The following LPCAT2 variants were observed in gnomAD, a reference collection of about 807,000 sequenced individuals.
LPCAT2 encodes the protein 1-AGP acyltransferase 11.
In LPCAT2, 58 loss-of-function variants were observed where a neutral mutation model predicts 64.7. The ratio of observed to expected loss-of-function variants is 0.90; its 90% CI spans 0.73 to 1.12. LPCAT2 has a LOEUF of 1.12. Ranked by LOEUF, LPCAT2 falls within the 50% of genes most tolerant of loss-of-function variation. The pLI is 0.00. For missense variants in LPCAT2, 579 were observed against 669.8 expected, an observed-to-expected ratio of 0.86 and a Z score of 1.50; for synonymous variants, 252 against 245.3, an observed-to-expected ratio of 1.03 and a Z score of -0.26.
intron 12 of LPCAT2, 125 bp from the exon 13 acceptor site, chr16:55,578,984 T>A: frequency 1.2e-6 from 1 of 845,672 alleles, no homozygotes; most frequent in Non-Finnish European, 1.9e-6. Flanking sequence ...TGATACTTTC[T>A]TAATATACAT....
chr16:55,556,672 C>T (rs1332061164), intron 11 of LPCAT2, among the ~76,000 whole-genome samples: 1 of 152,094 alleles, frequency 6.6e-6, no homozygotes, highest in East Asian at 1.9e-4. Flanking sequence ...GGTGTGAACC[C>T]AGGAGGCGGA....
Position 55,584,215 on chromosome 16 carries a change from G to A in LPCAT2, c.*1117G>A, listed in dbSNP as rs1397312411. ...CTTGCCCTATAAATGAATCAGATTT[G>A]TTCTATTTATATAATATTAGAATTA... On this transcript the variant is annotated 3_prime_UTR_variant, in exon 14 of 14. Transcript: ENST00000262134. 3.9e-5 allele frequency: 6 copies of A among 152,084 alleles called. No homozygotes were observed. Among genetic ancestry groups the A allele is most frequent in the African/African-American group, 1.4e-4 (6 of 41,402 alleles). The allele number at this position is 152,084 out of a possible 1,614,324, so 9.4% of individuals were successfully genotyped here.
In LPCAT2 at chr16:55,579,124, G is replaced by A; in HGVS notation, c.1330G>A (p.Glu444Lys). ...QVAFKLFDVD[E>K]DGYITEEEFS... is the part of the protein sequence containing the mutation. ...TTTTCTTCAGCTGTTTGACGTTGATGAGGATGGCTACATAACGGAGGAAGA... is the reference window on the plus strand; with the variant it reads ...TTTTCTTCAGCTGTTTGACGTTGATAAGGATGGCTACATAACGGAGGAAGA... The change falls in exon 13 of 14, where the codon GAG becomes AAG. Residue 444 changes from glutamate (E) to lysine (K), a missense_variant. By Grantham distance (56) the Glu-to-Lys change is moderately conservative. Coordinates refer to ENST00000262134, the MANE Select transcript of LPCAT2 (RefSeq NM_017839.5). 1 of 1,613,006 alleles carries A rather than the reference G, an allele frequency of 6.2e-7. No homozygotes were observed. The highest frequency in any genetic ancestry group is 8.5e-7 in the Non-Finnish European group (1 of 1,179,396).
At chr16:55,535,770 A>C (rs1442967156) in intron 7 of LPCAT2, among the ~76,000 whole-genome samples, 1 of 152,174 alleles carries the variant, frequency 6.6e-6, no homozygotes, top group African/African-American at 2.4e-5. Flanking sequence ...GGGCCTTTAC[A>C]GGTTAAGTTC....
chr16:55,546,387 A>G (rs2142395835), intron 9 of LPCAT2, among the ~76,000 whole-genome samples: 1 of 152,318 alleles, frequency 6.6e-6, no homozygotes, highest in African/African-American at 2.4e-5. Context: ...AATGTATTAT[A>G]CTATACCACC....
At chr16:55,553,600 A>G (rs921516556) in intron 11 of LPCAT2, among the ~76,000 whole-genome samples, 7 of 152,236 alleles carry the variant, frequency 4.6e-5, no homozygotes, top group African/African-American at 1.4e-4. Flanking sequence ...GAGCCCCTCA[A>G]AGTCATCCAT....
At chr16:55,558,469 C>G (rs1375781754) in intron 11 of LPCAT2, among the ~76,000 whole-genome samples, 1 of 152,206 alleles carries the variant, frequency 6.6e-6, no homozygotes, top group East Asian at 1.9e-4. Context: ...ATTTTTTTTG[C>G]AAACTTGCCA....
intron 9 of LPCAT2, among the ~76,000 whole-genome samples, chr16:55,547,854 G>A (rs1358173999): frequency 2.0e-5 from 3 of 151,694 alleles, no homozygotes; most frequent in Admixed American, 6.6e-5. Flanking sequence ...TGCAACCTCC[G>A]CCTCCTGGGT....
chr16:55,582,349 G>T (rs577883316), intron 13 of LPCAT2, among the ~76,000 whole-genome samples: 8 of 152,086 alleles, frequency 5.3e-5, no homozygotes, highest in Non-Finnish European at 1.0e-4. Context: ...CACCCCTAAA[G>T]TATGTACCTT....
At position 55,585,618 on chromosome 16, in the gene LPCAT2, A is replaced by G. The variant is rs1167959970; in HGVS notation, c.*2520A>G. On this transcript the variant is annotated 3_prime_UTR_variant, in exon 14 of 14. Coordinates refer to ENST00000262134, the MANE Select transcript of LPCAT2 (RefSeq NM_017839.5). ...AAAACCTCTAAACCACAAACATTCA[A>G]TTGAAAGAGTTCTGTTGAAGGATAA... is the stretch of plus-strand genomic sequence containing the variant. The G allele has an allele frequency of 1.3e-5, 2 of 152,230 alleles. No homozygotes were observed. Among genetic ancestry groups the G allele is most frequent in the Non-Finnish European group, 2.9e-5 (2 of 68,042 alleles). The allele number at this position is 152,230 out of a possible 1,614,324, so 9.4% of individuals were successfully genotyped here. A position where few individuals can be genotyped will look rare whatever the true frequency, so the allele number is the denominator to read the frequency against.
intron 13 of LPCAT2, among the ~76,000 whole-genome samples, chr16:55,580,462 G>A: frequency 6.6e-6 from 1 of 152,132 alleles, no homozygotes; most frequent in East Asian, 1.9e-4. Flanking sequence ...ATAACCTGTT[G>A]ATTTAAGTAA....
At chr16:55,543,850 A>G (rs1018231147) in intron 8 of LPCAT2, among the ~76,000 whole-genome samples, 2 of 152,238 alleles carry the variant, frequency 1.3e-5, no homozygotes, top group Non-Finnish European at 2.9e-5. Flanking sequence ...TCAAGCAGCA[A>G]CCCAGTCCAA....
At chr16:55,531,745 A>C (rs1426062675) in intron 4 of LPCAT2, among the ~76,000 whole-genome samples, 169 bp from the exon 5 acceptor site, 8 of 152,202 alleles carry the variant, frequency 5.3e-5, no homozygotes, top group Non-Finnish European at 8.8e-5. Context: ...CTTTCTTTAC[A>C]AGAAAATTGA....
chr16:55,549,229 T>TG, intron 9 of LPCAT2, 48 bp from the exon 10 acceptor site: 1 of 1,374,138 alleles, frequency 7.3e-7, no homozygotes, highest in Non-Finnish European at 9.7e-7. Context: ...TATGATTACT[T>TG]TTTTTTTTAA....
intron 1 of LPCAT2, among the ~76,000 whole-genome samples, chr16:55,522,493 A>T (rs1412575792): frequency 6.6e-6 from 1 of 151,706 alleles, no homozygotes; most frequent in Non-Finnish European, 1.5e-5. Context: ...TCTAAAACTT[A>T]TATGGAAATG....
At position 55,582,979 on chromosome 16, in the gene LPCAT2, C is replaced by T. The variant is rs200621543; in HGVS notation, c.1516C>T (p.Leu506Phe). 2 of 1,613,586 alleles carry T rather than the reference C, an allele frequency of 1.2e-6. No homozygotes were observed. The highest frequency in any genetic ancestry group is 3.3e-5 in the Admixed American group (2 of 59,982). ...YAKIFTTYLD[L>F]QTCHVFSLPK... Reference sequence around the variant, plus strand: ...TAAGATATTTACAACATACCTAGACCTCCAGACGTGCCATGTGTTTTCATT... The same window carrying T: ...TAAGATATTTACAACATACCTAGACTTCCAGACGTGCCATGTGTTTTCATT... Residue 506 changes from leucine (L) to phenylalanine (F), a missense_variant, in exon 14 of 14, where the codon CTC becomes TTC. Transcript: ENST00000262134.
chr16:55,530,494 G>C (rs531620823), intron 4 of LPCAT2, among the ~76,000 whole-genome samples: 1 of 49,482 alleles, frequency 2.0e-5, no homozygotes, highest in Non-Finnish European at 5.1e-5. Flanking sequence ...TGCGGGGGTG[G>C]GGGGGGGGTA....
rs1430157839 is a variant in LPCAT2, at chr16:55,585,219, T to C, written c.*2121T>C. On this transcript the variant is annotated 3_prime_UTR_variant, in exon 14 of 14. Coordinates refer to ENST00000262134, the MANE Select transcript of LPCAT2 (RefSeq NM_017839.5). ...TGATTCTGCCATTTTGTCTCAAATG[T>C]AATATACCCTTTTAATATCATATGT... is the stretch of plus-strand genomic sequence containing the variant. The C allele has an allele frequency of 6.6e-6, 1 of 152,238 alleles. No homozygotes were observed. The highest frequency in any genetic ancestry group is 1.5e-5 in the Non-Finnish European group (1 of 68,024). 9.4% of individuals were successfully genotyped at this position (152,238 alleles called of 1,614,324 possible).
chr16:55,575,864 T>A (rs1453523164), intron 12 of LPCAT2, among the ~76,000 whole-genome samples: 1 of 152,238 alleles, frequency 6.6e-6, no homozygotes, highest in Non-Finnish European at 1.5e-5. Flanking sequence ...CAGATGGTCA[T>A]AAGGCAAGGG....
Sources: allele counts gnomAD v4.1 joint callset (sites outside exome capture counted in the v4.1 genomes callset), GRCh38; gene constraint gnomAD v4.1.1; transcripts MANE v1.5; gene names NCBI Gene and HGNC (gene_info 2026-07-23, HGNC 2026-07-21).